Variants in CELSR1 observed in about 807,000 individuals in gnomAD.
The protein encoded by CELSR1 is adhesion G protein-coupled receptor C1.
In CELSR1, 110 loss-of-function variants were observed where a neutral mutation model predicts 249.1. The observed-to-expected ratio is 0.44, with a 90% CI of 0.38 to 0.52. CELSR1 has a LOEUF of 0.52. CELSR1 is among the 20% of genes least tolerant of loss of function. The probability of loss-of-function intolerance (pLI) is 0.00; values close to 1 mark genes in which losing one functional copy is unlikely to be tolerated. For missense variants in CELSR1, 4,109 were observed against 4,296.4 expected (o/e 0.96, Z 1.22); for synonymous variants, 2,113 against 1,900.0 (o/e 1.11, Z -2.92).
At chr22:46,476,638 C>T (rs189240386) in intron 1 of CELSR1, among the ~76,000 whole-genome samples, 1 of 150,620 alleles carries the variant, frequency 6.6e-6, no homozygotes, top group East Asian at 1.9e-4. Context: ...CAGGCTACAA[C>T]GTGCATGAAA....
intron 25 of CELSR1, among the ~76,000 whole-genome samples, chr22:46,371,891 ACCCACC>A (rs2078855818): frequency 7.5e-6 from 1 of 133,842 alleles, no homozygotes; most frequent in African/African-American, 3.0e-5. Flanking sequence ...CCATCCATCC[ACCCACC>A]TCTCCATCCC....
chr22:46,376,149 C>G (rs1163364059), intron 24 of CELSR1, among the ~76,000 whole-genome samples: 1 of 152,176 alleles, frequency 6.6e-6, no homozygotes, highest in Non-Finnish European at 1.5e-5. Flanking sequence ...TTCTTTCTTT[C>G]TAATCATTAA....
In CELSR1 at chr22:46,500,277, C is replaced by A. The variant is rs1454358441; in HGVS notation, c.3544+33350G>T. On this transcript the variant is annotated intron_variant, in intron 1 of 34. Transcript: ENST00000674500. This position sits in a 1 kb window ranked among gnomAD's most constrained non-coding sequence, Gnocchi z 4.9. The stretch of plus-strand genomic sequence containing the variant: ...AGGAAGGGACATAACTGCGACAAAA[C>A]CCTGGCGCCCGGTTTTCAGCACCGC... Among the ~76,000 whole-genome samples, 3 of 152,144 alleles carry A rather than the reference C, an allele frequency of 2.0e-5. No individual in the cohort carries two copies. Among genetic ancestry groups the A allele is most frequent in the African/African-American group, 4.8e-5 (2 of 41,426 alleles).
intron 27 of CELSR1, 55 bp downstream of exon 27, chr22:46,369,124 C>A: frequency 6.4e-7 from 1 of 1,565,916 alleles, no homozygotes; most frequent in South Asian, 1.1e-5. Flanking sequence ...GACTGGACGT[C>A]GGGGTCTCAG....
chr22:46,363,842 G>T lies in CELSR1; in HGVS notation c.9035+154C>A. ...GTATCCTCCTGACCTCAGCTGCAGC[G>T]CCTCCCCCCTCCCCCATCCCCGCCT... is the stretch of plus-strand genomic sequence containing the variant. On this transcript the variant is annotated intron_variant, in intron 34 of 34. Coordinates refer to ENST00000674500, the MANE Select transcript of CELSR1 (RefSeq NM_001378328.1). This position sits in a 1 kb window ranked among gnomAD's most constrained non-coding sequence, Gnocchi z 4.3. 2 of 1,021,454 alleles carry T rather than the reference G, an allele frequency of 2.0e-6. No homozygotes were observed. Among genetic ancestry groups the T allele is most frequent in the Non-Finnish European group, 2.7e-6 (2 of 728,934 alleles). The allele number at this position is 1,021,454 out of a possible 1,614,324, so 63.3% of individuals were successfully genotyped here. A position where few individuals can be genotyped will look rare whatever the true frequency, so the allele number is the denominator to read the frequency against.
At position 46,537,297 on chromosome 22, in the gene CELSR1, G is replaced by C; in HGVS notation, c.-127C>G. ...CGGCCCTCGGGGCGGTCCGCGTCCC[G>C]CCTCCCCGGGGGCCCTGGCGGGGAC... On this transcript the variant is annotated 5_prime_UTR_variant, in exon 1 of 35. Coordinates refer to ENST00000674500, the MANE Select transcript of CELSR1 (RefSeq NM_001378328.1). This position sits in a 1 kb window ranked among gnomAD's most constrained non-coding sequence, Gnocchi z 5.8. 3.1e-6 allele frequency: 3 copies of C among 974,500 alleles called. No individual in the cohort carries two copies. Among genetic ancestry groups the C allele is most frequent in the Non-Finnish European group, 3.7e-6 (3 of 817,652 alleles). 60.4% of individuals were successfully genotyped at this position (974,500 alleles called of 1,614,324 possible).
chr22:46,504,008 G>A (rs2080490107), intron 1 of CELSR1, among the ~76,000 whole-genome samples: 1 of 152,050 alleles, frequency 6.6e-6, no homozygotes, highest in African/African-American at 2.4e-5. Flanking sequence ...CTCCGGCCTG[G>A]GCAACAGAGC....
Position 46,395,602 on chromosome 22 carries a change from C to G in CELSR1, c.5843+1003G>C, listed in dbSNP as rs2079139389. On this transcript the variant is annotated intron_variant, in intron 13 of 34. Coordinates refer to ENST00000674500, the MANE Select transcript of CELSR1 (RefSeq NM_001378328.1). This position sits in a 1 kb window ranked among gnomAD's most constrained non-coding sequence, Gnocchi z 5.5. Reference sequence around the variant, plus strand: ...GTGGTGCCATCTTCTCGTGAGGTCACCAGCTCCAGGGCACAGGCTGCTTCC... The same window carrying G: ...GTGGTGCCATCTTCTCGTGAGGTCAGCAGCTCCAGGGCACAGGCTGCTTCC... 6.6e-6 allele frequency among the ~76,000 whole-genome samples: 1 copy of G among 152,198 alleles called. No individual in the cohort carries two copies.
intron 25 of CELSR1, 72 bp from the exon 26 acceptor site, chr22:46,369,876 C>T (rs145627065): frequency 7.5e-7 from 1 of 1,334,140 alleles, no homozygotes; most frequent in African/African-American, 1.4e-5. Flanking sequence ...AAGGACCAGC[C>T]AGGGTGGGGT....
rs1426352337 is a variant in CELSR1, at chr22:46,365,598, T to G, written c.8392A>C (p.Lys2798Gln). 3.8e-6 allele frequency: 6 copies of G among 1,591,296 alleles called. No individual in the cohort carries two copies. The African/African-American group carries it at 8.1e-5, about 21-fold the overall frequency. Residue 2798 changes from lysine to glutamine, a missense_variant, in exon 31 of 35, where the codon AAG (lysine) becomes CAG (glutamine). By Grantham distance (53) the Lys-to-Gln change is moderately conservative. Around this residue, in one of 7 missense-constraint regions of CELSR1, gnomAD observed 1,805 missense variants for 1,831.6 expected, o/e 0.99. Coordinates refer to ENST00000674500, the MANE Select transcript of CELSR1 (RefSeq NM_001378328.1). The part of the protein sequence containing the change: ...PDASLMPRSC[K>Q]DPPGHDSDSD... ...AGGGAAGCCATACCAGGGGGATCCTTGCAGCTCCTGGGCATGAGGGACGCG... is the reference window on the plus strand; with the variant it reads ...AGGGAAGCCATACCAGGGGGATCCTGGCAGCTCCTGGGCATGAGGGACGCG...
intron 18 of CELSR1, among the ~76,000 whole-genome samples, chr22:46,388,409 A>G (rs2079053903): frequency 1.3e-5 from 2 of 152,072 alleles, no homozygotes; most frequent in African/African-American, 2.4e-5. Flanking sequence ...GGAGTCACGC[A>G]TGGAGAACAA....
intron 33 of CELSR1, 110 bp from the exon 34 acceptor site, chr22:46,364,361 C>A: frequency 6.5e-7 from 1 of 1,528,040 alleles, no homozygotes; most frequent in South Asian, 1.2e-5. Flanking sequence ...TCCTGGTTCC[C>A]CGGGTCCCAG....
intron 2 of CELSR1, among the ~76,000 whole-genome samples, chr22:46,463,162 G>C (rs1602171919): frequency 1.3e-5 from 2 of 152,296 alleles, no homozygotes; most frequent in Non-Finnish European, 2.9e-5. Flanking sequence ...CAGTTAAGTC[G>C]GGCAGGGAAA....
chr22:46,458,757 T>C (rs2079985879), intron 2 of CELSR1, among the ~76,000 whole-genome samples: 1 of 152,144 alleles, frequency 6.6e-6, no homozygotes, highest in Admixed American at 6.5e-5. Flanking sequence ...CACCTGGGTG[T>C]TGACAGAACT....
At chr22:46,369,660 C>A (rs1569107495) in intron 26 of CELSR1, 32 bp downstream of exon 26, 3 of 1,592,514 alleles carry the variant, frequency 1.9e-6, no homozygotes, top group Non-Finnish European at 2.6e-6. Flanking sequence ...ATGTTTGGGG[C>A]ACCCGGACTC....
At position 46,417,320 on chromosome 22, in the gene CELSR1, A is replaced by G. The variant is rs2079414497; in HGVS notation, c.4612-5561T>C. Among the ~76,000 whole-genome samples, 1 of 152,208 alleles carries G rather than the reference A, an allele frequency of 6.6e-6. No individual in the cohort carries two copies. Among genetic ancestry groups the G allele is most frequent in the Admixed American group, 6.5e-5 (1 of 15,280 alleles). Reference sequence around the variant, plus strand: ...GGAGCAAATTCACGCAGATGCACGCAGCCTTCCAGAATTCAAACTGGCCTC... The same window carrying G: ...GGAGCAAATTCACGCAGATGCACGCGGCCTTCCAGAATTCAAACTGGCCTC... On this transcript the variant is annotated intron_variant, in intron 5 of 34. Transcript: ENST00000674500. The surrounding 1 kb of genome is among the most constrained non-coding windows in gnomAD (Gnocchi z 4.1).
At chr22:46,383,834 A>C (rs2079004471) in intron 20 of CELSR1, among the ~76,000 whole-genome samples, 1 of 151,772 alleles carries the variant, frequency 6.6e-6, no homozygotes, top group African/African-American at 2.4e-5. Flanking sequence ...GCCCAGCTAG[A>C]AGCAGCTTTT....
In CELSR1 at chr22:46,391,304, A is replaced by G; in HGVS notation, c.6149-17T>C. On this transcript the variant is annotated splice_polypyrimidine_tract_variant and intron_variant, in intron 15 of 34. Transcript: ENST00000674500. This position sits in a 1 kb window ranked among gnomAD's most constrained non-coding sequence, Gnocchi z 4.3. ...TGTAGATCACTGGGGTAGAGAAGAGAGAAGTCTGCTCAGCGGGGCACGCCA... is the reference window on the plus strand; with the variant it reads ...TGTAGATCACTGGGGTAGAGAAGAGGGAAGTCTGCTCAGCGGGGCACGCCA... 2 of 1,609,964 alleles carry G rather than the reference A, an allele frequency of 1.2e-6. No individual in the cohort carries two copies. The highest frequency in any genetic ancestry group is 1.7e-6 in the Non-Finnish European group (2 of 1,176,988).
intron 1 of CELSR1, among the ~76,000 whole-genome samples, chr22:46,477,655 G>A (rs936114936): frequency 2.6e-5 from 4 of 151,808 alleles, no homozygotes; most frequent in African/African-American, 9.7e-5. Context: ...CTACAGACGT[G>A]GGCCACCACG....
Sources: allele counts gnomAD v4.1 joint callset (sites outside exome capture counted in the v4.1 genomes callset), GRCh38; gene constraint gnomAD v4.1.1; regional missense constraint gnomAD v4.1.1; non-coding constraint Gnocchi (gnomAD v3.1); transcripts MANE v1.5; gene names NCBI Gene and HGNC (gene_info 2026-07-23, HGNC 2026-07-21).